NCAM1: variants seen among roughly 807,000 people sequenced by gnomAD.
The protein encoded by NCAM1 is neural cell adhesion molecule 1.
Under a neutral mutation model 109.8 loss-of-function variants are expected in NCAM1, and 14 were observed. The observed-to-expected ratio is 0.13, with a 90% confidence interval of 0.08 to 0.20. The LOEUF (loss-of-function observed/expected upper bound fraction) is 0.20. NCAM1 is among the 10% of genes least tolerant of loss of function. The pLI, the probability that NCAM1 is intolerant of heterozygous loss-of-function variation, is 1.00. For missense variants in NCAM1, 774 were observed against 1,109.9 expected, an observed-to-expected ratio of 0.70 and a Z score of 4.30; for synonymous variants, 418 against 442.9, an observed-to-expected ratio of 0.94 and a Z score of 0.70.
intron 1 of NCAM1, among the ~76,000 whole-genome samples, chr11:112,976,510 G>A (rs1406696507): frequency 6.6e-6 from 1 of 151,926 alleles, no homozygotes; most frequent in African/African-American, 2.4e-5. Context: ...TTGTATGTCT[G>A]CGGCTGTCTG....
intron 1 of NCAM1, among the ~76,000 whole-genome samples, chr11:113,004,449 G>C (rs1951841183): frequency 6.6e-6 from 1 of 151,852 alleles, no homozygotes; most frequent in Admixed American, 6.6e-5. Flanking sequence ...CCGAGATCGT[G>C]CCACTGCATT....
rs1555112528 is a variant in NCAM1, at chr11:113,204,576, T to C, written c.346+72T>C. On this transcript the variant is annotated intron_variant, in intron 3 of 19. Coordinates refer to ENST00000316851, the MANE Select transcript of NCAM1 (RefSeq NM_181351.5). ...AGGAGACATGTGGGTAGTGGAAAGG[T>C]GGAAATGATGACAGAAGGACCAGCT... 5 of 1,443,644 alleles carry C rather than the reference T, an allele frequency of 3.5e-6. No individual in the cohort carries two copies. In the African/African-American group the frequency reaches 7.0e-5, roughly 20 times the overall value. The allele number at this position is 1,443,644 out of a possible 1,614,324, so 89.4% of individuals were successfully genotyped here.
At chr11:113,068,648 A>G (rs1938098995) in intron 1 of NCAM1, among the ~76,000 whole-genome samples, 1 of 152,186 alleles carries the variant, frequency 6.6e-6, no homozygotes, top group Non-Finnish European at 1.5e-5. Context: ...CTCTAGTGCA[A>G]ATGCCAGATC....
intron 1 of NCAM1, among the ~76,000 whole-genome samples, chr11:113,051,523 A>T (rs1328528893): frequency 3.1e-5 from 4 of 127,304 alleles, no homozygotes; most frequent in Non-Finnish European, 5.9e-5. Flanking sequence ...TGCCCATTAA[A>T]CTACCACCTA....
At chr11:113,201,059 T>C (rs1247540604) in intron 1 of NCAM1, among the ~76,000 whole-genome samples, 1 of 152,100 alleles carries the variant, frequency 6.6e-6, no homozygotes, top group Non-Finnish European at 1.5e-5. Flanking sequence ...CCCTCCTCCT[T>C]CCCTTTTCCA....
chr11:113,102,749 A>C (rs1226485102), intron 1 of NCAM1, among the ~76,000 whole-genome samples: 1 of 152,236 alleles, frequency 6.6e-6, no homozygotes, highest in African/African-American at 2.4e-5. Flanking sequence ...GGAGCCATGG[A>C]AAGCTGACCA....
chr11:113,177,165 C>T (rs1246861790), intron 1 of NCAM1, among the ~76,000 whole-genome samples: 1 of 152,176 alleles, frequency 6.6e-6, no homozygotes, highest in Non-Finnish European at 1.5e-5. Flanking sequence ...CATATTTTAA[C>T]ATACCCCTGG....
intron 1 of NCAM1, among the ~76,000 whole-genome samples, chr11:113,199,849 A>AAAAAAAAT (rs1943992517): frequency 6.7e-6 from 1 of 148,870 alleles, no homozygotes; most frequent in Non-Finnish European, 1.5e-5. Context: ...AAAAAAAAAA[A>AAAAAAAAT]CTTCTGTGAT....
chr11:113,145,601 C>A (rs146410268), intron 1 of NCAM1, among the ~76,000 whole-genome samples: 2 of 152,134 alleles, frequency 1.3e-5, no homozygotes, highest in African/African-American at 2.4e-5. Flanking sequence ...CCTGTCTATC[C>A]GTAGTCTTCT....
intron 1 of NCAM1, among the ~76,000 whole-genome samples, chr11:112,983,102 A>G (rs550070451): frequency 4.6e-5 from 7 of 152,122 alleles, no homozygotes; most frequent in African/African-American, 1.7e-4. Context: ...GTATATTTTC[A>G]AAAAGAATTA....
At chr11:113,129,713 G>A (rs1555097961) in intron 1 of NCAM1, among the ~76,000 whole-genome samples, 1 of 152,166 alleles carries the variant, frequency 6.6e-6, no homozygotes, top group African/African-American at 2.4e-5. Context: ...TCCTAGGAGA[G>A]AGGCAGGAAT....
intron 1 of NCAM1, among the ~76,000 whole-genome samples, chr11:113,169,798 T>C (rs1555105924): frequency 6.6e-6 from 1 of 152,096 alleles, no homozygotes; most frequent in Non-Finnish European, 1.5e-5. Context: ...GCCTAATTTT[T>C]GTACTTTTAG....
At chr11:113,191,502 A>G (rs58014537) in intron 1 of NCAM1, among the ~76,000 whole-genome samples, 4,347 of 152,316 alleles carry the variant, frequency 0.029, 200 homozygotes, top group African/African-American at 0.099. Context: ...ACTTAAGAGC[A>G]AGGGCTGTGG....
chr11:113,185,766 C>G (rs1465006571), intron 1 of NCAM1, among the ~76,000 whole-genome samples: 1 of 152,238 alleles, frequency 6.6e-6, no homozygotes, highest in East Asian at 1.9e-4. Flanking sequence ...CGTCAGTTAT[C>G]CCAGGTAGGT....
At position 113,205,617 on chromosome 11, in the gene NCAM1, A is replaced by G; in HGVS notation, c.441A>G (p.Pro147=). Reference sequence around the variant, plus strand: ...GTGATGTGGTCAGCTCCCTCCCACCAACCATCATCTGGAAACACAAAGGCC... The same window carrying G: ...GTGATGTGGTCAGCTCCCTCCCACCGACCATCATCTGGAAACACAAAGGCC... ...IVCDVVSSLP[P]TIIWKHKGRD... The change falls in exon 4 of 20, where the codon CCA becomes CCG. Residue 147 remains proline (P), a synonymous_variant. Coordinates refer to ENST00000316851, the MANE Select transcript of NCAM1 (RefSeq NM_181351.5). The G allele has an allele frequency of 6.2e-7, 1 of 1,613,902 alleles. No homozygotes were observed. The highest frequency in any genetic ancestry group is 8.5e-7 in the Non-Finnish European group (1 of 1,179,848).
intron 1 of NCAM1, among the ~76,000 whole-genome samples, chr11:113,042,977 C>T (rs188923039): frequency 2.6e-5 from 4 of 152,342 alleles, no homozygotes; most frequent in African/African-American, 9.6e-5. Context: ...TCTTCTTCCT[C>T]ATCATTTGTA....
chr11:113,051,772 T>C (rs560080418), intron 1 of NCAM1, among the ~76,000 whole-genome samples: 9 of 152,348 alleles, frequency 5.9e-5, no homozygotes, highest in African/African-American at 1.4e-4. Flanking sequence ...CACTGAGCAG[T>C]AGTTTGCTTC....
chr11:113,120,424 A>G (rs1940907955), intron 1 of NCAM1, among the ~76,000 whole-genome samples: 1 of 152,222 alleles, frequency 6.6e-6, no homozygotes, highest in Non-Finnish European at 1.5e-5. Context: ...CCAACAGCCT[A>G]GCCTTAATGA....
intron 1 of NCAM1, among the ~76,000 whole-genome samples, chr11:113,035,875 A>G (rs1246647809): frequency 6.6e-6 from 1 of 152,072 alleles, no homozygotes; most frequent in Non-Finnish European, 1.5e-5. Flanking sequence ...CGCCTCCTGG[A>G]ATATGCCTTT....
Sources: allele counts gnomAD v4.1 joint callset (sites outside exome capture counted in the v4.1 genomes callset), GRCh38; gene constraint gnomAD v4.1.1; transcripts MANE v1.5; gene names NCBI Gene and HGNC (gene_info 2026-07-23, HGNC 2026-07-21).